MAPK4: variants seen among roughly 807,000 people sequenced by gnomAD.
MAPK4 encodes the protein Erk3-related.
Under a neutral mutation model 47.7 loss-of-function variants are expected in MAPK4, and 22 were observed. The observed-to-expected ratio is 0.46, with a 90% CI of 0.33 to 0.66. MAPK4 has a LOEUF of 0.66. Among genes scored for constraint, MAPK4 ranks in the 30% least tolerant of loss-of-function variants. MAPK4 has a pLI of 0.02. For missense variants in MAPK4, 736 were observed against 831.7 expected (o/e 0.88, Z 1.42); for synonymous variants, 390 against 365.7 (o/e 1.07, Z -0.76).
At chr18:50,697,343 C>G (rs1909567794) in intron 2 of MAPK4, among the ~76,000 whole-genome samples, 1 of 152,224 alleles carries the variant, frequency 6.6e-6, no homozygotes, top group African/African-American at 2.4e-5. Flanking sequence ...GGGAGCTTCT[C>G]TGCTTGGTTC....
intron 1 of MAPK4, among the ~76,000 whole-genome samples, chr18:50,591,912 A>G (rs2042439582): frequency 6.6e-6 from 1 of 152,062 alleles, no homozygotes; most frequent in African/African-American, 2.4e-5. Context: ...CACCTCATGA[A>G]GTACTGAGCT....
intron 2 of MAPK4, among the ~76,000 whole-genome samples, chr18:50,666,790 C>T (rs1051462868): frequency 3.3e-5 from 5 of 152,148 alleles, no homozygotes; most frequent in Non-Finnish European, 7.4e-5. Context: ...CCTACCCCAC[C>T]TCCTCCCTCA....
chr18:50,579,249 A>T (rs1001526668), intron 1 of MAPK4, among the ~76,000 whole-genome samples: 1 of 152,170 alleles, frequency 6.6e-6, no homozygotes, highest in Non-Finnish European at 1.5e-5. Context: ...ATGGGAAGTG[A>T]TAAGGCCGCA....
intron 1 of MAPK4, among the ~76,000 whole-genome samples, chr18:50,656,704 C>T (rs572373467): frequency 1.3e-5 from 2 of 152,272 alleles, no homozygotes; most frequent in East Asian, 1.9e-4. Context: ...CTTCCTGCTA[C>T]GCTTATAGTA....
chr18:50,670,590 C>G (rs920771351), intron 2 of MAPK4, among the ~76,000 whole-genome samples: 2 of 151,984 alleles, frequency 1.3e-5, no homozygotes, highest in Non-Finnish European at 2.9e-5. Context: ...AACCCTGTCT[C>G]TACTAAAAAT....
At chr18:50,613,440 T>G (rs994364263) in intron 1 of MAPK4, among the ~76,000 whole-genome samples, 2 of 152,174 alleles carry the variant, frequency 1.3e-5, no homozygotes, top group African/African-American at 4.8e-5. Flanking sequence ...CTGAATGAGC[T>G]TGGATTCTTC....
intron 1 of MAPK4, among the ~76,000 whole-genome samples, chr18:50,631,690 A>G (rs28503390): frequency 0.027 from 4,064 of 152,132 alleles, 169 homozygotes; most frequent in African/African-American, 0.089. Context: ...TTGAATTGTT[A>G]TTTTAACTCT....
chr18:50,659,230 C>A (rs936480667), intron 1 of MAPK4, among the ~76,000 whole-genome samples: 4 of 152,156 alleles, frequency 2.6e-5, no homozygotes, highest in Non-Finnish European at 5.9e-5. Context: ...GGATCATGAG[C>A]CTTGGAGTCA....
chr18:50,707,869 G>T (rs1910143080), intron 2 of MAPK4, among the ~76,000 whole-genome samples: 1 of 152,196 alleles, frequency 6.6e-6, no homozygotes, highest in African/African-American at 2.4e-5. Flanking sequence ...TGAATTTCAG[G>T]ATCTGTCCAG....
chr18:50,688,889 TAA>T (rs35330620), intron 2 of MAPK4, among the ~76,000 whole-genome samples: 2 of 115,924 alleles, frequency 1.7e-5, no homozygotes. Flanking sequence ...CCTATGGAAA[TAA>T]AAAAAAAAAA....
At chr18:50,666,457 A>G (rs913798514) in intron 2 of MAPK4, among the ~76,000 whole-genome samples, 11 of 152,220 alleles carry the variant, frequency 7.2e-5, no homozygotes, top group Non-Finnish European at 8.8e-5. Flanking sequence ...GACTGCATCC[A>G]TTCATTTAAT....
At chr18:50,690,156 C>T (rs2144345944) in intron 2 of MAPK4, among the ~76,000 whole-genome samples, 1 of 152,352 alleles carries the variant, frequency 6.6e-6, no homozygotes, top group African/African-American at 2.4e-5. Context: ...ACTCCCTTCA[C>T]CTGCCTCAGC....
At chr18:50,571,676 T>C (rs2042251651) in intron 1 of MAPK4, among the ~76,000 whole-genome samples, 1 of 152,234 alleles carries the variant, frequency 6.6e-6, no homozygotes, top group South Asian at 2.1e-4. Context: ...ATTTCTTTTG[T>C]CAAATTTTCC....
chr18:50,599,437 T>A (rs8096046), intron 1 of MAPK4, among the ~76,000 whole-genome samples: 83,320 of 151,924 alleles, frequency 0.55, 23,019 homozygotes, highest in African/African-American at 0.62. Context: ...TATTATTATT[T>A]TGAGACGGAG....
At chr18:50,684,939 C>T (rs1021793306) in intron 2 of MAPK4, among the ~76,000 whole-genome samples, 2 of 152,172 alleles carry the variant, frequency 1.3e-5, no homozygotes, top group South Asian at 2.1e-4. Context: ...CACCGGGCCC[C>T]ATCTTTGTTC....
At position 50,678,245 on chromosome 18, in the gene MAPK4, G is replaced by T. The variant is rs1217527624; in HGVS notation, c.546+13741G>T. Reference sequence around the variant, plus strand: ...TTACTGTAATGAACTTGTCAAAATGGATTAATTAGGAAGCACTGGGCTAGG... The same window carrying T: ...TTACTGTAATGAACTTGTCAAAATGTATTAATTAGGAAGCACTGGGCTAGG... On this transcript the variant is annotated intron_variant, in intron 2 of 5. Transcript: ENST00000400384. The surrounding 1 kb of genome is among the most constrained non-coding windows in gnomAD (Gnocchi z 4.2). Among the ~76,000 whole-genome samples the T allele has an allele frequency of 6.6e-6, 1 of 152,200 alleles. No homozygotes were observed. Among genetic ancestry groups the T allele is most frequent in the Non-Finnish European group, 1.5e-5 (1 of 68,040 alleles).
At chr18:50,728,118 G>T (rs550697729) in intron 5 of MAPK4, among the ~76,000 whole-genome samples, 1 of 152,312 alleles carries the variant, frequency 6.6e-6, no homozygotes, top group Admixed American at 6.5e-5. Context: ...CCACACAGCC[G>T]AATCTGCCTC....
At chr18:50,607,111 T>A (rs2042589504) in intron 1 of MAPK4, among the ~76,000 whole-genome samples, 1 of 152,202 alleles carries the variant, frequency 6.6e-6, no homozygotes. Context: ...AAGCATCACA[T>A]CACCATTCTC....
intron 1 of MAPK4, among the ~76,000 whole-genome samples, chr18:50,646,405 G>A (rs772797585): frequency 4.6e-5 from 7 of 152,120 alleles, no homozygotes; most frequent in Non-Finnish European, 7.4e-5. Flanking sequence ...GAGTGACTTC[G>A]TCCTATTCTG....
Sources: allele counts gnomAD v4.1 joint callset (sites outside exome capture counted in the v4.1 genomes callset), GRCh38; gene constraint gnomAD v4.1.1; non-coding constraint Gnocchi (gnomAD v3.1); transcripts MANE v1.5; gene names NCBI Gene and HGNC (gene_info 2026-07-23, HGNC 2026-07-21).